GPCPD1: variants seen among roughly 807,000 people sequenced by gnomAD.
GPCPD1 encodes glycerophosphocholine phosphodiesterase GPCPD1.
In GPCPD1, 29 loss-of-function variants were observed where a neutral mutation model predicts 89.2. The ratio of observed to expected loss-of-function variants is 0.33; its 90% CI spans 0.24 to 0.44. The LOEUF (loss-of-function observed/expected upper bound fraction) is 0.44. Ranked by LOEUF, GPCPD1 falls within the 20% of genes least tolerant of loss-of-function variation. The probability of loss-of-function intolerance (pLI) is 1.00; values close to 1 mark genes in which losing one functional copy is unlikely to be tolerated. For missense variants in GPCPD1, 594 were observed against 808.9 expected (o/e 0.73, Z 3.22); for synonymous variants, 258 against 266.3 (o/e 0.97, Z 0.30).
intron 8 of GPCPD1, 129 bp from the exon 9 acceptor site, chr20:5,576,107 A>AT (rs772284040): frequency 3.4e-3 from 579 of 171,808 alleles, no homozygotes; most frequent in East Asian, 3.9e-3. Context: ...GTATATATAT[A>AT]TTTTTTTTTT....
chr20:5,604,247 G>T (rs1212679207), intron 2 of GPCPD1, 117 bp downstream of exon 2: 2 of 652,934 alleles, frequency 3.1e-6, no homozygotes, highest in African/African-American at 1.8e-5. Context: ...AAGACCTATA[G>T]ATATTTTCAT....
intron 19 of GPCPD1, among the ~76,000 whole-genome samples, chr20:5,553,140 G>C (rs1007067647): frequency 1.1e-4 from 17 of 152,198 alleles, no homozygotes; most frequent in Non-Finnish European, 1.5e-4. Flanking sequence ...AAGTCTGTTG[G>C]TGCCATTTTC....
chr20:5,586,974 A>G (rs962681092), intron 4 of GPCPD1, among the ~76,000 whole-genome samples: 1 of 152,182 alleles, frequency 6.6e-6, no homozygotes, highest in Non-Finnish European at 1.5e-5. Flanking sequence ...AATCTCATAC[A>G]GTGTGACAAT....
intron 19 of GPCPD1, among the ~76,000 whole-genome samples, chr20:5,551,270 AC>A (rs1330332867): frequency 6.6e-6 from 1 of 152,202 alleles, no homozygotes; most frequent in East Asian, 1.9e-4. Context: ...ATTTAAGCGC[AC>A]ACACACAAAG....
chr20:5,595,244 T>C (rs768306175), intron 3 of GPCPD1, among the ~76,000 whole-genome samples: 1 of 152,196 alleles, frequency 6.6e-6, no homozygotes, highest in African/African-American at 2.4e-5. Context: ...CATGTATATA[T>C]ATGTAACAAA....
At position 5,586,204 on chromosome 20, in the gene GPCPD1, T is replaced by C; in HGVS notation, c.297A>G (p.Ile99Met). The C allele has an allele frequency of 6.4e-7, 1 of 1,555,452 alleles. No individual in the cohort carries two copies. The highest frequency in any genetic ancestry group is 1.7e-5 in the Admixed American group (1 of 59,892). Residue 99 changes from isoleucine (I) to methionine (M), a missense_variant, in exon 5 of 20, where the codon ATA becomes ATG. By Grantham distance (10) the Ile-to-Met change is conservative. Transcript: ENST00000379019. ...AGTTAATGCCCATACCTAAAGGGGT[T>C]ATTGATCGTGGTTGTAGATGAGTCT... ...KWETHLQPRS[I>M]TPLESEIIID... is the part of the protein sequence containing the mutation.
intron 2 of GPCPD1, among the ~76,000 whole-genome samples, chr20:5,599,247 T>C (rs1410957366): frequency 1.3e-5 from 2 of 152,126 alleles, no homozygotes; most frequent in African/African-American, 4.8e-5. Context: ...CTAATAAGTT[T>C]CACATCAAGA....
intron 12 of GPCPD1, 73 bp from the exon 13 acceptor site, chr20:5,567,633 T>G (rs1273978951): frequency 1.1e-5 from 14 of 1,313,690 alleles, no homozygotes; most frequent in Non-Finnish European, 1.3e-5. Context: ...AGCCCTAAAT[T>G]ATTACTGAAT....
intron 1 of GPCPD1, among the ~76,000 whole-genome samples, chr20:5,606,416 A>T (rs1980589192): frequency 1.3e-5 from 2 of 152,192 alleles, no homozygotes; most frequent in Non-Finnish European, 2.9e-5. Context: ...AAACAATTCT[A>T]AAGTACCTTT....
At chr20:5,576,419 CAAAAA>C (rs11286776) in intron 8 of GPCPD1, among the ~76,000 whole-genome samples, 1 of 90,790 alleles carries the variant, frequency 1.1e-5, no homozygotes, top group Non-Finnish European at 2.1e-5. Flanking sequence ...CACTCCATCT[CAAAAA>C]AAAAAAAAAA....
In GPCPD1 at chr20:5,604,419, G is replaced by A; in HGVS notation, c.-7C>T. 1 of 1,549,254 alleles carries A rather than the reference G, an allele frequency of 6.5e-7. No individual in the cohort carries two copies. The highest frequency in any genetic ancestry group is 8.9e-7 in the Non-Finnish European group (1 of 1,126,840). ...CAACCTGAGAAGGTGTCATTCTGAT[G>A]GATTTATTTTATGATGTCGTGCTAG... is the stretch of plus-strand genomic sequence containing the variant. On this transcript the variant is annotated 5_prime_UTR_variant, in exon 2 of 20. Coordinates refer to ENST00000379019, the MANE Select transcript of GPCPD1 (RefSeq NM_019593.5).
At chr20:5,563,108 G>C (rs562359902) in intron 15 of GPCPD1, among the ~76,000 whole-genome samples, 2 of 151,302 alleles carry the variant, frequency 1.3e-5, no homozygotes, top group African/African-American at 2.4e-5. Flanking sequence ...TCAGCCTCCC[G>C]AGTAGCTGGG....
chr20:5,577,325 A>T (rs1978294441), intron 8 of GPCPD1, among the ~76,000 whole-genome samples: 1 of 151,310 alleles, frequency 6.6e-6, no homozygotes, highest in South Asian at 2.1e-4. Context: ...CCGGCCAAAA[A>T]CGTTTTTTTT....
At chr20:5,586,290 G>A (rs759105331) in intron 4 of GPCPD1, 21 bp from the exon 5 acceptor site, 65 of 1,391,576 alleles carry the variant, frequency 4.7e-5, no homozygotes, top group Non-Finnish European at 5.9e-5. Context: ...AAAGTTAAAC[G>A]TCTGCAATAA....
chr20:5,604,615 G>GT (rs1555810986), intron 1 of GPCPD1, among the ~76,000 whole-genome samples, 175 bp from the exon 2 acceptor site: 1 of 78,012 alleles, frequency 1.3e-5, no homozygotes, highest in South Asian at 6.7e-4. Context: ...TTAGTGCGGG[G>GT]GGGGGGGGGC....
In GPCPD1 at chr20:5,547,601, G is replaced by T. The variant is rs1443862709; in HGVS notation, c.*60C>A. 4.7e-6 allele frequency: 4 copies of T among 849,796 alleles called. No homozygotes were observed. Among genetic ancestry groups the T allele is most frequent in the Non-Finnish European group, 5.6e-6 (3 of 531,702 alleles). The allele number at this position is 849,796 out of a possible 1,614,324, so 52.6% of individuals were successfully genotyped here. A position where few individuals can be genotyped will look rare whatever the true frequency, so the allele number is the denominator to read the frequency against. On this transcript the variant is annotated 3_prime_UTR_variant, in exon 20 of 20. Transcript: ENST00000379019. ...GCATAGATCAACAATGCTCAGTGAT[G>T]AAAAATGAATACCCAGAACAGCGGT...
At chr20:5,558,257 A>G (rs1985887941) in intron 18 of GPCPD1, 152 bp from the exon 19 acceptor site, 1 of 506,276 alleles carries the variant, frequency 2.0e-6, no homozygotes, top group South Asian at 3.6e-5. Context: ...TATTCTTTTT[A>G]ATGGACACTT....
intron 2 of GPCPD1, among the ~76,000 whole-genome samples, chr20:5,601,641 T>A (rs959051946): frequency 6.6e-6 from 1 of 152,074 alleles, no homozygotes; most frequent in Admixed American, 6.5e-5. Context: ...AGTGCTGGGA[T>A]TACAGGCATG....
At chr20:5,594,060 T>A (rs953475994) in intron 3 of GPCPD1, among the ~76,000 whole-genome samples, 1 of 152,212 alleles carries the variant, frequency 6.6e-6, no homozygotes, top group Admixed American at 6.5e-5. Flanking sequence ...TAACAGAAAC[T>A]AAAGATTTGA....
Sources: allele counts gnomAD v4.1 joint callset (sites outside exome capture counted in the v4.1 genomes callset), GRCh38; gene constraint gnomAD v4.1.1; transcripts MANE v1.5; gene names NCBI Gene and HGNC (gene_info 2026-07-23, HGNC 2026-07-21).